The following EGFLAM variants were observed in gnomAD, a reference collection of about 807,000 sequenced individuals.
EGFLAM encodes the protein EGF like, fibronectin type III and laminin G domains.
In EGFLAM, 79 loss-of-function variants were observed where a neutral mutation model predicts 113.1. That is an observed-to-expected ratio of 0.70 (90% CI 0.58 to 0.84). EGFLAM has a LOEUF of 0.84. Among genes scored for constraint, EGFLAM ranks in the 40% least tolerant of loss-of-function variants. The pLI, the probability that EGFLAM is intolerant of heterozygous loss-of-function variation, is 0.00. For synonymous variants in EGFLAM, 504 were observed against 487.6 expected, an observed-to-expected ratio of 1.03 and a Z score of -0.44; for missense variants, 1,265 against 1,291.6, an observed-to-expected ratio of 0.98 and a Z score of 0.32.
At chr5:38,279,104 A>G (rs1896657) in intron 1 of EGFLAM, among the ~76,000 whole-genome samples, 27,376 of 152,172 alleles carry the variant, frequency 0.18, 3,585 homozygotes, top group African/African-American at 0.36. Context: ...GCCAACAGGA[A>G]TATGAAAAAA....
intron 6 of EGFLAM, among the ~76,000 whole-genome samples, chr5:38,393,642 C>T (rs1178186996): frequency 3.9e-5 from 6 of 152,254 alleles, no homozygotes. Flanking sequence ...TGGTTTCACT[C>T]AGCCCACCGC....
intron 1 of EGFLAM, among the ~76,000 whole-genome samples, chr5:38,336,687 T>A (rs556589076): frequency 2.6e-5 from 4 of 151,794 alleles, no homozygotes; most frequent in African/African-American, 9.7e-5. Context: ...TGAGCACCAA[T>A]ATGACGCTCA....
In EGFLAM at chr5:38,431,229, A is replaced by G. The variant is rs770386132; in HGVS notation, c.2107A>G (p.Thr703Ala). 3.1e-6 allele frequency: 5 copies of G among 1,614,212 alleles called. No individual in the cohort carries two copies. The highest frequency in any genetic ancestry group is 4.2e-6 in the Non-Finnish European group (5 of 1,180,028). Reference sequence around the variant, plus strand: ...CTGGCACGAGCTTCGTGTATCTCGCACAGCAAAGAATGGAATCTTACAGGT... The same window carrying G: ...CTGGCACGAGCTTCGTGTATCTCGCGCAGCAAAGAATGGAATCTTACAGGT... ...GNWHELRVSRTAKNGILQVDK... is the reference protein window; with the variant it reads ...GNWHELRVSRAAKNGILQVDK... The change falls in exon 15 of 22, where the codon ACA (threonine) becomes GCA (alanine). Residue 703 changes from threonine (T) to alanine (A), a missense_variant. Coordinates refer to ENST00000322350, the MANE Select transcript of EGFLAM (RefSeq NM_152403.4).
chr5:38,348,378 G>A lies in EGFLAM; in HGVS notation c.292-2123G>A, dbSNP rs115711610. 7.1e-3 allele frequency among the ~76,000 whole-genome samples: 1,076 copies of A among 152,220 alleles called. 17 individuals carry two copies. Among genetic ancestry groups the A allele is most frequent in the African/African-American group, 0.023 (949 of 41,528 alleles). ...TCCTGGGAAAGACCAATCCTTAGACGTAGCAGAGAAAGGGGGGTGGATGGA... is the reference window on the plus strand; with the variant it reads ...TCCTGGGAAAGACCAATCCTTAGACATAGCAGAGAAAGGGGGGTGGATGGA... On this transcript the variant is annotated intron_variant, in intron 3 of 21. Transcript: ENST00000322350.
intron 5 of EGFLAM, among the ~76,000 whole-genome samples, chr5:38,369,938 G>A (rs1298220614): frequency 6.6e-6 from 1 of 152,194 alleles, no homozygotes; most frequent in African/African-American, 2.4e-5. Context: ...TGACCTCTGG[G>A]GATGGGGACT....
intron 3 of EGFLAM, among the ~76,000 whole-genome samples, chr5:38,344,435 A>G (rs1349152754): frequency 2.0e-5 from 3 of 150,716 alleles, no homozygotes; most frequent in African/African-American, 7.3e-5. Context: ...GTGAGCTGGG[A>G]TCGCATCATT....
chr5:38,278,302 A>G (rs1390637312), intron 1 of EGFLAM, among the ~76,000 whole-genome samples: 1 of 152,188 alleles, frequency 6.6e-6, no homozygotes, highest in African/African-American at 2.4e-5. Flanking sequence ...AGGATAGTGT[A>G]TTCAGTAAAT....
At chr5:38,338,460 G>T (rs1270735874) in intron 2 of EGFLAM, among the ~76,000 whole-genome samples, 2 of 152,310 alleles carry the variant, frequency 1.3e-5, no homozygotes, top group Non-Finnish European at 2.9e-5. Flanking sequence ...CGAGCCATGT[G>T]CAGACCTCTG....
intron 3 of EGFLAM, chr5:38,345,802 A>T (rs1212568618): frequency 6.6e-6 from 1 of 152,254 alleles, no homozygotes; most frequent in African/African-American, 2.4e-5. Context: ...CATCTGCCCT[A>T]GTTTGATGCC....
chr5:38,434,346 G>A (rs917738349), intron 15 of EGFLAM, among the ~76,000 whole-genome samples: 1 of 152,286 alleles, frequency 6.6e-6, no homozygotes, highest in African/African-American at 2.4e-5. Flanking sequence ...GATATCACCT[G>A]CTCTTTTACT....
chr5:38,434,858 T>G (rs1407855411), intron 15 of EGFLAM, among the ~76,000 whole-genome samples: 1 of 152,204 alleles, frequency 6.6e-6, no homozygotes, highest in African/African-American at 2.4e-5. Flanking sequence ...TCTGCCACAG[T>G]CATCATGACA....
chr5:38,412,980 C>G (rs1425846289), intron 11 of EGFLAM, among the ~76,000 whole-genome samples: 2 of 152,066 alleles, frequency 1.3e-5, no homozygotes, highest in Non-Finnish European at 2.9e-5. Context: ...TACATCAAAG[C>G]CAGCAGTAGA....
intron 6 of EGFLAM, among the ~76,000 whole-genome samples, chr5:38,397,386 G>A (rs1740989405): frequency 6.6e-6 from 1 of 152,122 alleles, no homozygotes; most frequent in Non-Finnish European, 1.5e-5. Flanking sequence ...CAGCTACTAG[G>A]TAAGTCACCC....
intron 1 of EGFLAM, among the ~76,000 whole-genome samples, chr5:38,300,302 A>G (rs1170654567): frequency 1.3e-5 from 2 of 152,032 alleles, no homozygotes; most frequent in Non-Finnish European, 2.9e-5. Context: ...ATGAGGAGCC[A>G]CTGCTGGTTT....
chr5:38,354,379 C>T (rs1355913631), intron 5 of EGFLAM, among the ~76,000 whole-genome samples: 1 of 152,162 alleles, frequency 6.6e-6, no homozygotes, highest in Admixed American at 6.5e-5. Flanking sequence ...TTTACTTCCA[C>T]AGATACATTA....
chr5:38,436,938 C>T (rs910305531), intron 16 of EGFLAM, among the ~76,000 whole-genome samples: 2 of 152,200 alleles, frequency 1.3e-5, no homozygotes, highest in Admixed American at 6.5e-5. Context: ...CCTTTGGAAG[C>T]TTAGATTCGT....
chr5:38,283,594 C>T (rs1758078877), intron 1 of EGFLAM, among the ~76,000 whole-genome samples: 1 of 152,102 alleles, frequency 6.6e-6, no homozygotes, highest in Non-Finnish European at 1.5e-5. Context: ...CCAACCCTGC[C>T]TGGTCTAGGG....
At position 38,406,246 on chromosome 5, in the gene EGFLAM, C is replaced by T. The variant is rs768786091; in HGVS notation, c.828+5C>T. On this transcript the variant is annotated splice_donor_5th_base_variant and intron_variant, in intron 7 of 21. Coordinates refer to ENST00000322350, the MANE Select transcript of EGFLAM (RefSeq NM_152403.4). ...TTGGATATTTCCTTTGAGGAGGTAA[C>T]AATAATCTCTGCTCTTAAAACCCAG... is the stretch of plus-strand genomic sequence containing the variant. 5 of 1,611,796 alleles carry T rather than the reference C, an allele frequency of 3.1e-6. No homozygotes were observed. Among genetic ancestry groups the T allele is most frequent in the Non-Finnish European group, 4.2e-6 (5 of 1,178,024 alleles).
intron 1 of EGFLAM, among the ~76,000 whole-genome samples, chr5:38,325,701 AT>A (rs2111907548): frequency 6.6e-6 from 1 of 152,340 alleles, no homozygotes; most frequent in Admixed American, 6.5e-5. Flanking sequence ...GTAAACCATA[AT>A]TTATCCATCT....
Sources: gnomAD v4.1 joint callset for allele counts (sites outside exome capture counted in the v4.1 genomes callset) on GRCh38, gnomAD v4.1.1 for gene constraint, MANE v1.5 for transcripts, NCBI Gene and HGNC (gene_info 2026-07-23, HGNC 2026-07-21) for gene names.